CNIH3: variants seen among roughly 807,000 people sequenced by gnomAD.
CNIH3 encodes cornichon family AMPA receptor auxiliary protein 3, also known as protein cornichon homolog 3.
In CNIH3, 14 loss-of-function variants were observed where a neutral mutation model predicts 24.1. The ratio of observed to expected loss-of-function variants is 0.58; its 90% CI spans 0.38 to 0.91. The LOEUF (loss-of-function observed/expected upper bound fraction) is 0.91. CNIH3 is among the 40% of genes least tolerant of loss of function. The probability of loss-of-function intolerance (pLI) is 0.00; values close to 1 mark genes in which losing one functional copy is unlikely to be tolerated. For missense variants in CNIH3, 178 were observed against 196.8 expected, an observed-to-expected ratio of 0.90 and a Z score of 0.57; for synonymous variants, 68 against 73.8, an observed-to-expected ratio of 0.92 and a Z score of 0.40.
At chr1:224,618,263 T>C (rs559061534) in intron 1 of CNIH3, among the ~76,000 whole-genome samples, 1 of 152,350 alleles carries the variant, frequency 6.6e-6, no homozygotes, top group South Asian at 2.1e-4. Flanking sequence ...GTGGGAAGAA[T>C]GGCCAAGGCC....
At chr1:224,681,639 C>T (rs1686410319) in intron 2 of CNIH3, among the ~76,000 whole-genome samples, 1 of 152,170 alleles carries the variant, frequency 6.6e-6, no homozygotes, top group African/African-American at 2.4e-5. Flanking sequence ...TTGGCAGGCC[C>T]TACATGCTGC....
intron 1 of CNIH3, among the ~76,000 whole-genome samples, chr1:224,492,991 G>A (rs1677291724): frequency 6.6e-6 from 1 of 152,184 alleles, no homozygotes; most frequent in Non-Finnish European, 1.5e-5. Flanking sequence ...TCAGAATGGA[G>A]GACAGTGATC....
chr1:224,735,564 G>A (rs1026395407), intron 5 of CNIH3, among the ~76,000 whole-genome samples: 2 of 152,314 alleles, frequency 1.3e-5, no homozygotes, highest in East Asian at 3.9e-4. Context: ...GGAGGGGTCG[G>A]GATGTTGGAC....
exon 1 of CNIH3, chr1:224,434,834 C>A (rs1674568311): frequency 1.0e-6 from 1 of 985,744 alleles, no homozygotes; most frequent in Non-Finnish European, 1.2e-6. Context: ...AATGCCTATA[C>A]TGCCCTCCTC....
chr1:224,494,267 G>A (rs776206372), intron 1 of CNIH3, among the ~76,000 whole-genome samples: 3 of 152,166 alleles, frequency 2.0e-5, no homozygotes, highest in African/African-American at 4.8e-5. Context: ...AAATCACAGA[G>A]CCTCTCAACG....
At chr1:224,598,038 G>A (rs1682060107) in intron 3 of CNIH3, among the ~76,000 whole-genome samples, 2 of 152,208 alleles carry the variant, frequency 1.3e-5, no homozygotes, top group Non-Finnish European at 1.5e-5. Context: ...ATTGTGTTGT[G>A]AGAGCAGAAG....
At chr1:224,652,939 A>G (rs1439643484) in intron 1 of CNIH3, among the ~76,000 whole-genome samples, 1 of 152,234 alleles carries the variant, frequency 6.6e-6, no homozygotes, top group East Asian at 1.9e-4. Flanking sequence ...TTGGGAACAC[A>G]GCAGGAGCAC....
Position 224,532,763 on chromosome 1 carries a change from A to G in CNIH3, n.344-4173A>G, listed in dbSNP as rs369097810. Among the ~76,000 whole-genome samples the G allele has an allele frequency of 2.0e-5, 3 of 152,232 alleles. No individual in the cohort carries two copies. In the South Asian group the frequency reaches 6.2e-4, roughly 31 times the overall value. On this transcript the variant is annotated intron_variant and non_coding_transcript_variant, in intron 2 of 2. Transcript: ENST00000470602. ...AACTGCAGGAATAATACCATCACCA[A>G]TTTGTATCTACTAATGCTAAATGCT...
At chr1:224,524,468 A>G (rs1678766790) in intron 2 of CNIH3, among the ~76,000 whole-genome samples, 1 of 152,206 alleles carries the variant, frequency 6.6e-6, no homozygotes, top group Non-Finnish European at 1.5e-5. Flanking sequence ...TAGGGTATCA[A>G]ACTATGAATT....
chr1:224,672,884 C>G (rs1685937648), intron 1 of CNIH3, among the ~76,000 whole-genome samples: 1 of 152,170 alleles, frequency 6.6e-6, no homozygotes, highest in Admixed American at 6.5e-5. Flanking sequence ...GACCTGTAGT[C>G]AGAGTTTCTA....
At chr1:224,489,734 A>T (rs1312377843) in intron 1 of CNIH3, among the ~76,000 whole-genome samples, 2 of 152,232 alleles carry the variant, frequency 1.3e-5, no homozygotes, top group Non-Finnish European at 2.9e-5. Context: ...TAGACTGGGC[A>T]GCTTGTAAAC....
intron 1 of CNIH3, among the ~76,000 whole-genome samples, chr1:224,497,326 T>C (rs1364475536): frequency 6.6e-6 from 1 of 152,210 alleles, no homozygotes; most frequent in Non-Finnish European, 1.5e-5. Context: ...GTGAATATAC[T>C]AAAAACCACT....
chr1:224,521,209 A>G (rs1423932777), exon 2 of CNIH3: 1 of 152,100 alleles, frequency 6.6e-6, no homozygotes, highest in Non-Finnish European at 1.5e-5. Flanking sequence ...CCCATTAAAT[A>G]ATCTGGACAA....
chr1:224,509,060 C>A (rs1439987240), intron 1 of CNIH3, among the ~76,000 whole-genome samples: 2 of 152,178 alleles, frequency 1.3e-5, no homozygotes, highest in African/African-American at 4.8e-5. Flanking sequence ...TGGTGGCTCA[C>A]GCTTGTAATC....
intron 3 of CNIH3, among the ~76,000 whole-genome samples, chr1:224,712,486 G>C (rs1417448553): frequency 6.6e-6 from 1 of 152,086 alleles, no homozygotes; most frequent in Non-Finnish European, 1.5e-5. Flanking sequence ...AGGATATCTG[G>C]CTCTCAGCAA....
chr1:224,555,651 T>C (rs952927773), intron 3 of CNIH3, among the ~76,000 whole-genome samples: 1 of 152,254 alleles, frequency 6.6e-6, no homozygotes, highest in African/African-American at 2.4e-5. Flanking sequence ...ACAAATGTAA[T>C]GAAATACTTA....
intron 4 of CNIH3, among the ~76,000 whole-genome samples, chr1:224,570,553 A>C (rs1164697573): frequency 6.6e-6 from 1 of 152,124 alleles, no homozygotes; most frequent in Non-Finnish European, 1.5e-5. Flanking sequence ...TTTTTCTTAT[A>C]GACTTATATG....
chr1:224,635,586 A>T (rs1684048767), intron 1 of CNIH3, among the ~76,000 whole-genome samples: 1 of 152,220 alleles, frequency 6.6e-6, no homozygotes, highest in African/African-American at 2.4e-5. Context: ...CTCAGACCTC[A>T]CAGCACAGCC....
intron 5 of CNIH3, among the ~76,000 whole-genome samples, chr1:224,587,787 A>T (rs529132418): frequency 8.6e-5 from 13 of 151,702 alleles, no homozygotes; most frequent in African/African-American, 2.9e-4. Context: ...CAAAAGTTTT[A>T]AAAAAATAGC....
Sources: gnomAD v4.1 joint callset for allele counts (sites outside exome capture counted in the v4.1 genomes callset) on GRCh38, gnomAD v4.1.1 for gene constraint, MANE v1.5 for transcripts, NCBI Gene and HGNC (gene_info 2026-07-23, HGNC 2026-07-21) for gene names.